The following WDR44 variants were observed in gnomAD, a reference collection of about 807,000 sequenced individuals.
WDR44 encodes WD repeat domain 44.
Under a neutral mutation model 65.7 loss-of-function variants are expected in WDR44, and 9 were observed. The observed-to-expected ratio is 0.14, with a 90% CI of 0.08 to 0.24. The LOEUF (loss-of-function observed/expected upper bound fraction) is 0.24, where lower values mean the gene tolerates loss of function less well. WDR44 is among the 10% of genes least tolerant of loss of function. The probability of loss-of-function intolerance (pLI) is 1.00; values close to 1 mark genes in which losing one functional copy is unlikely to be tolerated. For synonymous variants in WDR44, 220 were observed against 235.2 expected (o/e 0.94, Z 0.59); for missense variants, 425 against 670.9 (o/e 0.63, Z 4.05).
intron 1 of WDR44, among the ~76,000 whole-genome samples, chrX:118,366,811 G>A (rs955554262): frequency 2.7e-5 from 3 of 112,009 alleles, no homozygotes; most frequent in Non-Finnish European, 5.6e-5. Flanking sequence ...AAATGAAATG[G>A]TTTCGGCCGG....
chrX:118,434,746 C>T (rs1211479240), intron 13 of WDR44, among the ~76,000 whole-genome samples: 2 of 111,708 alleles, frequency 1.8e-5, no homozygotes, highest in African/African-American at 3.3e-5. Flanking sequence ...TAAGCCTCTC[C>T]AGGGTAGGAA....
At chrX:118,358,598 G>T (rs1444679608) in intron 1 of WDR44, among the ~76,000 whole-genome samples, 1 of 111,617 alleles carries the variant, frequency 9.0e-6, no homozygotes, top group African/African-American at 3.3e-5. Flanking sequence ...CTAGCTATTT[G>T]GGAGGCTGAG....
intron 2 of WDR44, among the ~76,000 whole-genome samples, chrX:118,381,560 TCTTTC>T (rs1429674056): frequency 5.0e-5 from 5 of 100,642 alleles, no homozygotes; most frequent in South Asian, 9.2e-4. Context: ...TCTTTTCTTT[TCTTTC>T]GTTCTTTCTT....
At chrX:118,376,239 A>G (rs1224066300) in intron 1 of WDR44, among the ~76,000 whole-genome samples, 1 of 111,884 alleles carries the variant, frequency 8.9e-6, no homozygotes, top group African/African-American at 3.3e-5. Flanking sequence ...CACCCAGCCC[A>G]TAAATGTTTG....
intron 8 of WDR44, among the ~76,000 whole-genome samples, chrX:118,403,467 A>G (rs2056937608): frequency 9.7e-6 from 1 of 103,427 alleles, no homozygotes; most frequent in African/African-American, 3.8e-5. Flanking sequence ...ATTGTATTTC[A>G]TACCAGCACT....
At chrX:118,447,424 G>A (rs2057355327) in intron 19 of WDR44, among the ~76,000 whole-genome samples, 1 of 111,425 alleles carries the variant, frequency 9.0e-6, no homozygotes, top group South Asian at 3.8e-4. Flanking sequence ...ACCCATGTAG[G>A]TGTAGTCTAA....
chrX:118,420,509 C>A (rs1014884786), intron 12 of WDR44, among the ~76,000 whole-genome samples: 1 of 110,975 alleles, frequency 9.0e-6, no homozygotes, highest in African/African-American at 3.3e-5. Context: ...CACCTCGGCC[C>A]CCCAAAGTGC....
chrX:118,407,502 C>CA (rs11423108), intron 10 of WDR44, among the ~76,000 whole-genome samples: 20,412 of 56,702 alleles, frequency 0.36, 2,304 homozygotes, highest in African/African-American at 0.44. Flanking sequence ...AACTCCGTCT[C>CA]AAAAAAAAAA....
chrX:118,382,264 G>A (rs988846274), intron 2 of WDR44, among the ~76,000 whole-genome samples: 3 of 111,434 alleles, frequency 2.7e-5, no homozygotes, highest in Non-Finnish European at 3.8e-5. Context: ...TTTTGCTCGG[G>A]AACTAAGAAA....
intron 3 of WDR44, among the ~76,000 whole-genome samples, chrX:118,389,541 A>G (rs1569366323): frequency 9.1e-6 from 1 of 109,531 alleles, no homozygotes; most frequent in Non-Finnish European, 1.9e-5. Flanking sequence ...ACCAACATGG[A>G]GAAACCCCAT....
intron 2 of WDR44, among the ~76,000 whole-genome samples, chrX:118,381,211 G>T (rs931722066): frequency 3.6e-5 from 4 of 111,905 alleles, no homozygotes; most frequent in African/African-American, 6.5e-5. Flanking sequence ...GCTCACGCTT[G>T]TAATCCCAGC....
At chrX:118,424,307 A>ATGTG (rs1225033891) in intron 12 of WDR44, among the ~76,000 whole-genome samples, 55 of 74,639 alleles carry the variant, frequency 7.4e-4, no homozygotes, top group African/African-American at 5.0e-3. Context: ...GTGTATATAT[A>ATGTG]TATATGTGTG....
At position 118,351,959 on chromosome X, in the gene WDR44, C is replaced by T. The variant is rs765174944; in HGVS notation, c.77+5379C>T. ...TCCGTCTCAAAAATAAATAAATAAA[C>T]AATTTATATTTAGTGACATCTGACT... On this transcript the variant is annotated intron_variant, in intron 1 of 19. Coordinates refer to ENST00000254029, the MANE Select transcript of WDR44 (RefSeq NM_019045.5). Among the ~76,000 whole-genome samples, 288 of 108,435 alleles carry T rather than the reference C, an allele frequency of 2.7e-3. 2 individuals carry two copies. The highest frequency in any genetic ancestry group is 9.4e-3 in the African/African-American group (280 of 29,654). 94.2% of individuals were successfully genotyped at this position (108,435 alleles called of 115,157 possible).
intron 1 of WDR44, among the ~76,000 whole-genome samples, chrX:118,367,282 ATATT>A: frequency 9.0e-6 from 1 of 111,585 alleles, no homozygotes; most frequent in East Asian, 2.8e-4. Flanking sequence ...CTCCCCCTAA[ATATT>A]TATTGTCACA....
At chrX:118,365,280 G>A (rs1455746863) in intron 1 of WDR44, among the ~76,000 whole-genome samples, 1 of 111,554 alleles carries the variant, frequency 9.0e-6, no homozygotes, top group African/African-American at 3.3e-5. Context: ...CTCTCCCATC[G>A]TGCATTTTAC....
At chrX:118,406,595 T>C (rs987930067) in intron 9 of WDR44, among the ~76,000 whole-genome samples, 1 of 111,096 alleles carries the variant, frequency 9.0e-6, no homozygotes, top group African/African-American at 3.3e-5. Context: ...AGAAACCCTA[T>C]GAGGTAAGTA....
intron 1 of WDR44, among the ~76,000 whole-genome samples, chrX:118,360,536 C>T (rs1481366674): frequency 1.8e-5 from 2 of 111,921 alleles, no homozygotes; most frequent in Non-Finnish European, 3.8e-5. Context: ...CAGTGTCGGT[C>T]TTAGTTTGCT....
At chrX:118,355,713 T>C (rs1169987130) in intron 1 of WDR44, among the ~76,000 whole-genome samples, 1 of 111,263 alleles carries the variant, frequency 9.0e-6, no homozygotes, top group Non-Finnish European at 1.9e-5. Flanking sequence ...CAAGGTTTAG[T>C]TGGGGAGGCG....
At chrX:118,446,290 A>G (rs1213003103) in intron 19 of WDR44, among the ~76,000 whole-genome samples, 1 of 109,948 alleles carries the variant, frequency 9.1e-6, no homozygotes, top group African/African-American at 3.3e-5. Flanking sequence ...GTCTAAAAAT[A>G]TATATATATG....
Sources: gnomAD v4.1 joint callset for allele counts (sites outside exome capture counted in the v4.1 genomes callset) on GRCh38, gnomAD v4.1.1 for gene constraint, MANE v1.5 for transcripts, NCBI Gene and HGNC (gene_info 2026-07-23, HGNC 2026-07-21) for gene names.